The following ZFAT variants were observed in gnomAD, a reference collection of about 807,000 sequenced individuals.
The protein encoded by ZFAT is zinc finger protein ZFAT.
In ZFAT, 64 loss-of-function variants were observed where a neutral mutation model predicts 117.7. The observed-to-expected ratio is 0.54, with a 90% CI of 0.44 to 0.67. The LOEUF is 0.67. ZFAT is among the 30% of genes least tolerant of loss of function. The pLI, the probability that ZFAT is intolerant of heterozygous loss-of-function variation, is 0.00. For missense variants in ZFAT, 1,433 were observed against 1,584.5 expected, an observed-to-expected ratio of 0.90 and a Z score of 1.62; for synonymous variants, 679 against 615.0, an observed-to-expected ratio of 1.10 and a Z score of -1.54.
the ZFAT span, among the ~76,000 whole-genome samples, chr8:134,745,145 C>T: frequency 6.6e-6 from 1 of 152,192 alleles, no homozygotes; most frequent in East Asian, 1.9e-4. Context: ...CCCTTCACCC[C>T]TTTACCTAAT....
chr8:134,798,410 C>A, the ZFAT span: 7 of 151,964 alleles, frequency 4.6e-5, no homozygotes, highest in Non-Finnish European at 8.8e-5. Flanking sequence ...GATAAGCACA[C>A]ATTAATCAGA....
chr8:134,694,974 A>G (rs560535830), intron 1 of ZFAT, among the ~76,000 whole-genome samples: 3 of 150,482 alleles, frequency 2.0e-5, no homozygotes, highest in East Asian at 1.9e-4. Flanking sequence ...TCCACATTGG[A>G]AAAAAAACAC....
chr8:134,670,315 C>T (rs989208765), intron 1 of ZFAT, among the ~76,000 whole-genome samples: 24 of 152,264 alleles, frequency 1.6e-4, no homozygotes, highest in African/African-American at 5.8e-4. Flanking sequence ...CTCAGCACCA[C>T]ATCACACTTA....
intron 2 of ZFAT, among the ~76,000 whole-genome samples, chr8:134,641,201 C>G (rs1011943796): frequency 2.6e-5 from 4 of 152,062 alleles, no homozygotes; most frequent in African/African-American, 9.7e-5. Flanking sequence ...GGTCCTTTAG[C>G]ACGTGATCCA....
intron 11 of ZFAT, among the ~76,000 whole-genome samples, chr8:134,541,965 C>G (rs539423428): frequency 1.1e-4 from 17 of 152,328 alleles, no homozygotes; most frequent in Non-Finnish European, 2.2e-4. Context: ...TACTGGAGGT[C>G]CTGAGTGTTT....
At chr8:134,717,910 G>C (rs1814230130), upstream of ZFAT, among the ~76,000 whole-genome samples, 1 of 152,062 alleles carries the variant, frequency 6.6e-6, no homozygotes, top group African/African-American at 2.4e-5. Context: ...GGCCAGGCTG[G>C]TCTTGAACTC....
chr8:134,673,136 C>A (rs1055232119), intron 1 of ZFAT: 1 of 151,640 alleles, frequency 6.6e-6, no homozygotes. Flanking sequence ...ATGTTGATAA[C>A]CTTCATAACT....
At chr8:134,554,473 G>C (rs1563842139) in intron 11 of ZFAT, among the ~76,000 whole-genome samples, 1 of 152,200 alleles carries the variant, frequency 6.6e-6, no homozygotes, top group Non-Finnish European at 1.5e-5. Flanking sequence ...CTCCAGCATA[G>C]TGACCCATCA....
chr8:134,772,240 G>A, the ZFAT span, among the ~76,000 whole-genome samples: 1 of 152,188 alleles, frequency 6.6e-6, no homozygotes, highest in Non-Finnish European at 1.5e-5. Context: ...TAAGCTCAAC[G>A]AGAAAGACAT....
Position 134,509,006 on chromosome 8 carries a change from A to G in ZFAT, c.3492+613T>C, listed in dbSNP as rs1465336996. On this transcript the variant is annotated intron_variant, in intron 15 of 15. Coordinates refer to ENST00000377838, the MANE Select transcript of ZFAT (RefSeq NM_020863.4). ...GTAGCAGATAGAGACACAGGTATAA[A>G]CAGATAAAAAGGATGACCTAATTAT... is the stretch of plus-strand genomic sequence containing the variant. Among the ~76,000 whole-genome samples the G allele has an allele frequency of 2.0e-5, 3 of 152,244 alleles. No individual in the cohort carries two copies. In the East Asian group the frequency reaches 5.8e-4, roughly 29 times the overall value.
chr8:134,601,620 T>G lies in ZFAT; in HGVS notation c.2099A>C (p.Asp700Ala), dbSNP rs758878091. 9.9e-6 allele frequency: 16 copies of G among 1,613,818 alleles called. No homozygotes were observed. Among genetic ancestry groups the G allele is most frequent in the Non-Finnish European group, 3.4e-6 (4 of 1,179,950 alleles). ...GGGDTITHQPDSCKAAPEHRS... is the reference protein window; with the variant it reads ...GGGDTITHQPASCKAAPEHRS... ...GTGCTCAGGGGCAGCTTTGCAAGAG[T>G]CAGGCTGATGTGTGATGGTGTCCCC... Residue 700 changes from aspartate to alanine, a missense_variant, in exon 6 of 16, where the codon GAC becomes GCC. Asp to Ala is a moderately radical substitution (Grantham distance 126). Around this residue, in one of 5 missense-constraint regions of ZFAT, gnomAD observed 372 missense variants for 355.6 expected, o/e 1.05. Transcript: ENST00000377838.
chr8:134,755,943 C>T, the ZFAT span, among the ~76,000 whole-genome samples: 1 of 152,068 alleles, frequency 6.6e-6, no homozygotes, highest in African/African-American at 2.4e-5. Context: ...GTACAAGTGC[C>T]AAGCCTAGCA....
At chr8:134,766,704 T>C in the ZFAT span, 1 of 152,188 alleles carries the variant, frequency 6.6e-6, no homozygotes, top group Non-Finnish European at 1.5e-5. Flanking sequence ...ATTATAACCA[T>C]ATAATGTACC....
At chr8:134,486,104 TAA>T (rs2130069830) in intron 15 of ZFAT, among the ~76,000 whole-genome samples, 1 of 152,314 alleles carries the variant, frequency 6.6e-6, no homozygotes, top group Admixed American at 6.5e-5. Flanking sequence ...GAATTTAAAA[TAA>T]AACCCGTTGG....
chr8:134,674,192 G>C (rs1832685796), intron 1 of ZFAT, among the ~76,000 whole-genome samples: 1 of 152,202 alleles, frequency 6.6e-6, no homozygotes, highest in South Asian at 2.1e-4. Context: ...TCCTAGCCAA[G>C]GGAAGCCGTG....
chr8:134,669,207 G>A (rs1586923423), intron 1 of ZFAT, among the ~76,000 whole-genome samples: 1 of 152,160 alleles, frequency 6.6e-6, no homozygotes, highest in African/African-American at 2.4e-5. Flanking sequence ...AACTTCCCCA[G>A]CCTAACAAGG....
Position 134,588,382 on chromosome 8 carries a change from G to C in ZFAT, c.2577C>G (p.Ser859Arg), listed in dbSNP as rs1314542190. The change falls in exon 9 of 16, where the codon AGC becomes AGG. Residue 859 changes from serine to arginine, a missense_variant. Coordinates refer to ENST00000377838, the MANE Select transcript of ZFAT (RefSeq NM_020863.4). ...TCCTCCCGAGAACCTCAGAAATGGT[G>C]CTCATGGAGACCTCTAGAAGAAAAG... is the stretch of plus-strand genomic sequence containing the variant. ...IKTNHPEVSM[S>R]TISEVLGRRV... The C allele has an allele frequency of 6.3e-7, 1 of 1,587,512 alleles. No individual in the cohort carries two copies. The highest frequency in any genetic ancestry group is 8.6e-7 in the Non-Finnish European group (1 of 1,166,906).
chr8:134,514,028 C>T (rs1314552263), intron 13 of ZFAT, among the ~76,000 whole-genome samples: 1 of 152,246 alleles, frequency 6.6e-6, no homozygotes, highest in Admixed American at 6.5e-5. Context: ...AAGGTTCCTC[C>T]TCATTCTGGG....
Position 134,518,405 on chromosome 8 carries a change from G to A in ZFAT, c.3234+2478C>T, listed in dbSNP as rs554751137. Among the ~76,000 whole-genome samples the A allele has an allele frequency of 7.9e-5, 12 of 152,298 alleles. No individual in the cohort carries two copies. The South Asian group carries it at 2.5e-3, about 32-fold the overall frequency. On this transcript the variant is annotated intron_variant, in intron 13 of 15. Transcript: ENST00000377838. ...ACATTCCCACCAGCAACGTATGAGA[G>A]CAGATTTCCCCACAGCTTTTCCAGC... is the stretch of plus-strand genomic sequence containing the variant.
Sources: allele counts gnomAD v4.1 joint callset (sites outside exome capture counted in the v4.1 genomes callset), GRCh38; gene constraint gnomAD v4.1.1; regional missense constraint gnomAD v4.1.1; transcripts MANE v1.5; gene names NCBI Gene and HGNC (gene_info 2026-07-23, HGNC 2026-07-21).